Variants in TSPAN16 observed in about 807,000 individuals in gnomAD.
The protein encoded by TSPAN16 is tetraspanin-16.
In TSPAN16, 23 loss-of-function variants were observed where a neutral mutation model predicts 25.2. The observed-to-expected ratio is 0.91, with a 90% CI of 0.66 to 1.29. TSPAN16 has a LOEUF of 1.29. Among genes scored for constraint, TSPAN16 ranks in the 50% most tolerant of loss-of-function variants. The probability of loss-of-function intolerance (pLI) is 0.00; values close to 1 mark genes in which losing one functional copy is unlikely to be tolerated. For synonymous variants in TSPAN16, 123 were observed against 124.4 expected (o/e 0.99, Z 0.08); for missense variants, 272 against 299.9 (o/e 0.91, Z 0.69).
At chr19:11,326,010 C>T (rs2080810728) in intron 6 of TSPAN16, among the ~76,000 whole-genome samples, 1 of 152,034 alleles carries the variant, frequency 6.6e-6, no homozygotes, top group South Asian at 2.1e-4. Flanking sequence ...CATTTGAGGT[C>T]AGGAGTTCAA....
chr19:11,297,092 T>C (rs542452939), intron 1 of TSPAN16, among the ~76,000 whole-genome samples: 1 of 152,228 alleles, frequency 6.6e-6, no homozygotes, highest in South Asian at 2.1e-4. Flanking sequence ...GTCTTCATTG[T>C]AGCATAGTCT....
chr19:11,321,291 T>C (rs900138600), intron 6 of TSPAN16: 2 of 152,074 alleles, frequency 1.3e-5, no homozygotes, highest in East Asian at 1.9e-4. Context: ...GGAAGCCAGA[T>C]ACCTTCTTCA....
chr19:11,302,390 A>T (rs1029748103), intron 4 of TSPAN16, among the ~76,000 whole-genome samples: 39 of 151,268 alleles, frequency 2.6e-4, no homozygotes, highest in Non-Finnish European at 4.4e-4. Flanking sequence ...TTAGCCAGGC[A>T]TGGTGGCGTG....
At chr19:11,312,002 C>T in intron 5 of TSPAN16, 137 bp from the exon 6 acceptor site, 1 of 619,214 alleles carries the variant, frequency 1.6e-6, no homozygotes, top group Non-Finnish European at 2.9e-6. Flanking sequence ...GGAGGGAAGG[C>T]CCTCACGGCT....
intron 6 of TSPAN16, among the ~76,000 whole-genome samples, chr19:11,326,273 C>T (rs560424108): frequency 6.6e-6 from 1 of 151,804 alleles, no homozygotes; most frequent in South Asian, 2.1e-4. Flanking sequence ...CTCAGCTACT[C>T]GGAAGGTTAA....
intron 5 of TSPAN16, among the ~76,000 whole-genome samples, chr19:11,308,251 A>G (rs1454810709): frequency 6.6e-6 from 1 of 152,110 alleles, no homozygotes; most frequent in East Asian, 1.9e-4. Flanking sequence ...GAGGGAAGAA[A>G]TAGAAATCAG....
At chr19:11,315,745 G>A (rs979488621) in intron 6 of TSPAN16, 46 bp from the exon 7 acceptor site, 58 of 1,220,802 alleles carry the variant, frequency 4.8e-5, no homozygotes, top group Non-Finnish European at 5.3e-5. Flanking sequence ...TTCTGGTTTG[G>A]AGGTCTCTAG....
chr19:11,321,029 C>T (rs886281200), intron 6 of TSPAN16, among the ~76,000 whole-genome samples: 2 of 151,792 alleles, frequency 1.3e-5, no homozygotes, highest in Non-Finnish European at 2.9e-5. Context: ...ATTAGCCAGG[C>T]GTAGTGGAGT....
At chr19:11,304,940 T>A (rs949100448) in intron 4 of TSPAN16, among the ~76,000 whole-genome samples, 1 of 152,042 alleles carries the variant, frequency 6.6e-6, no homozygotes, top group Admixed American at 6.6e-5. Flanking sequence ...TGTGAGCCAC[T>A]GCGCCCAGCT....
chr19:11,316,182 G>C (rs923997004), downstream of TSPAN16, among the ~76,000 whole-genome samples: 2 of 148,742 alleles, frequency 1.3e-5, no homozygotes, highest in South Asian at 2.2e-4. Context: ...GCAATGGCAC[G>C]ATCTCAGCTC....
At chr19:11,326,646 C>T (rs2080814832) in intron 6 of TSPAN16, 1 of 528,628 alleles carries the variant, frequency 1.9e-6, no homozygotes, top group Non-Finnish European at 3.4e-6. Context: ...CTCTATTGCC[C>T]AGGCCGGGGT....
Position 11,298,865 on chromosome 19 carries a change from C to A in TSPAN16, c.268-7C>A, listed in dbSNP as rs1259098043. ...TCCCAGGCCCTCTCTCCCCGTGTGT[C>A]TTTTAGTGCATCCTGTCAATGGTTA... On this transcript the variant is annotated splice_region_variant and splice_polypyrimidine_tract_variant and intron_variant, in intron 2 of 6. Coordinates refer to ENST00000590327, the MANE Select transcript of TSPAN16 (RefSeq NM_001282509.2). 1.2e-6 allele frequency: 2 copies of A among 1,613,958 alleles called. No homozygotes were observed. The highest frequency in any genetic ancestry group is 1.7e-6 in the Non-Finnish European group (2 of 1,179,876).
intron 4 of TSPAN16, among the ~76,000 whole-genome samples, chr19:11,302,877 C>G (rs1343149621): frequency 1.3e-5 from 2 of 150,418 alleles, no homozygotes; most frequent in African/African-American, 2.5e-5. Context: ...TGCCACCATG[C>G]CTGGCTAATT....
intron 5 of TSPAN16, among the ~76,000 whole-genome samples, chr19:11,310,401 G>A (rs577652128): frequency 6.6e-6 from 1 of 152,076 alleles, no homozygotes; most frequent in African/African-American, 2.4e-5. Context: ...TGTAACTCCA[G>A]CTACTTGGGA....
chr19:11,306,560 T>A lies in TSPAN16; in HGVS notation c.451-44T>A, dbSNP rs1375473534. On this transcript the variant is annotated intron_variant, in intron 4 of 6. Transcript: ENST00000590327. Reference sequence around the variant, plus strand: ...GTAACCGTGATTTCTGATGTTTTTATTATTTGAAAGGGACTCTCCAAGTAT... The same window carrying A: ...GTAACCGTGATTTCTGATGTTTTTAATATTTGAAAGGGACTCTCCAAGTAT... 1.9e-6 allele frequency: 3 copies of A among 1,609,836 alleles called. No individual in the cohort carries two copies. In the South Asian group the frequency reaches 3.3e-5, roughly 18 times the overall value.
chr19:11,321,690 G>A (rs1406185754), intron 6 of TSPAN16, among the ~76,000 whole-genome samples: 4 of 152,128 alleles, frequency 2.6e-5, no homozygotes, highest in Non-Finnish European at 5.9e-5. Flanking sequence ...GGAAGGGATG[G>A]ATCAGATCAT....
chr19:11,318,775 T>G (rs547135847), downstream of TSPAN16, among the ~76,000 whole-genome samples: 3 of 152,162 alleles, frequency 2.0e-5, no homozygotes, highest in African/African-American at 7.2e-5. Flanking sequence ...GCCTCCTGAA[T>G]AGTTGGAGTT....
chr19:11,310,699 T>C (rs2080681534), intron 5 of TSPAN16, among the ~76,000 whole-genome samples: 1 of 152,120 alleles, frequency 6.6e-6, no homozygotes, highest in Non-Finnish European at 1.5e-5. Flanking sequence ...TAAGAAAATA[T>C]GTGGACGGAG....
chr19:11,311,034 G>C (rs553567253), intron 5 of TSPAN16, among the ~76,000 whole-genome samples: 1 of 152,032 alleles, frequency 6.6e-6, no homozygotes, highest in South Asian at 2.1e-4. Flanking sequence ...ACGGGGTTTC[G>C]CTACGTTGTC....
Sources: allele counts gnomAD v4.1 joint callset (sites outside exome capture counted in the v4.1 genomes callset), GRCh38; gene constraint gnomAD v4.1.1; transcripts MANE v1.5; gene names NCBI Gene and HGNC (gene_info 2026-07-23, HGNC 2026-07-21).